PTPRD: variants seen among roughly 807,000 people sequenced by gnomAD.
The protein encoded by PTPRD is protein tyrosine phosphatase receptor type D.
Under a neutral mutation model 214.5 loss-of-function variants are expected in PTPRD, and 34 were observed. The ratio of observed to expected loss-of-function variants is 0.16; its 90% confidence interval spans 0.12 to 0.21. The LOEUF is 0.21. PTPRD is among the 10% of genes least tolerant of loss of function. PTPRD has a pLI of 1.00. For missense variants in PTPRD, 2,545 were observed against 2,398.7 expected (o/e 1.06, Z -1.27); for synonymous variants, 1,128 against 845.7 (o/e 1.33, Z -5.79).
chr9:10,085,270 A>T (rs1243400740), intron 3 of PTPRD, among the ~76,000 whole-genome samples: 1 of 151,866 alleles, frequency 6.6e-6, no homozygotes, highest in Non-Finnish European at 1.5e-5. Flanking sequence ...TTTTTAAAAA[A>T]CTACATCAGT....
intron 5 of PTPRD, among the ~76,000 whole-genome samples, chr9:9,868,176 A>C (rs1254416737): frequency 6.6e-6 from 1 of 152,196 alleles, no homozygotes; most frequent in African/African-American, 2.4e-5. Flanking sequence ...GAACAAAAAT[A>C]GTTTTAGCAC....
intron 2 of PTPRD, among the ~76,000 whole-genome samples, chr9:10,486,821 T>C (rs1219206749): frequency 6.6e-6 from 1 of 152,180 alleles, no homozygotes; most frequent in African/African-American, 2.4e-5. Context: ...TTAGTTCCAT[T>C]TGGTCTTTAG....
intron 4 of PTPRD, among the ~76,000 whole-genome samples, chr9:10,022,910 T>G (rs1308262901): frequency 3.9e-5 from 6 of 152,206 alleles, no homozygotes; most frequent in Non-Finnish European, 5.9e-5. Context: ...GCATGTTTTA[T>G]GCCTCAGTAT....
chr9:10,010,571 G>A (rs1302733190), intron 4 of PTPRD, among the ~76,000 whole-genome samples: 1 of 151,722 alleles, frequency 6.6e-6, no homozygotes, highest in African/African-American at 2.4e-5. Context: ...CCTTCAAGTG[G>A]CCATGCACAG....
chr9:9,363,389 G>C (rs747314802), intron 9 of PTPRD, among the ~76,000 whole-genome samples: 1 of 151,184 alleles, frequency 6.6e-6, no homozygotes, highest in Non-Finnish European at 1.5e-5. Context: ...CTCATACTAG[G>C]AGATCTGAAA....
chr9:8,767,203 C>T (rs926671458), intron 11 of PTPRD, among the ~76,000 whole-genome samples: 4 of 152,060 alleles, frequency 2.6e-5, no homozygotes, highest in Non-Finnish European at 5.9e-5. Flanking sequence ...CCGCAACCTC[C>T]GCCTCCCAGG....
At chr9:8,907,529 AAAAAATAT>A (rs1260176066) in intron 11 of PTPRD, among the ~76,000 whole-genome samples, 1 of 133,156 alleles carries the variant, frequency 7.5e-6, no homozygotes, top group Non-Finnish European at 1.6e-5. Flanking sequence ...AAAAAAAAAA[AAAAAATAT>A]ATATATATAT....
intron 7 of PTPRD, among the ~76,000 whole-genome samples, chr9:9,733,292 G>A (rs1289287246): frequency 6.6e-6 from 1 of 152,202 alleles, no homozygotes; most frequent in African/African-American, 2.4e-5. Context: ...GTGCACTGAT[G>A]ATGGAGAGAG....
chr9:10,261,534 G>C (rs2093699262), intron 3 of PTPRD, among the ~76,000 whole-genome samples: 1 of 152,006 alleles, frequency 6.6e-6, no homozygotes. Flanking sequence ...AATGTTGTGT[G>C]TGTGTATATA....
chr9:10,582,020 G>A (rs1375173170), intron 2 of PTPRD, among the ~76,000 whole-genome samples: 2 of 152,098 alleles, frequency 1.3e-5, no homozygotes, highest in Non-Finnish European at 1.5e-5. Flanking sequence ...AAATTTGGGG[G>A]ATAATAAGAT....
In PTPRD at chr9:8,451,005, C is replaced by T. The variant is rs371963629; in HGVS notation, c.3876-1168G>A. On this transcript the variant is annotated intron_variant, in intron 33 of 45. Transcript: ENST00000381196. Reference sequence around the variant, plus strand: ...TCTGTTCGATGTGACTGTGGTACAGCTCATTAGTGTTGCTGTGGCAATGGG... The same window carrying T: ...TCTGTTCGATGTGACTGTGGTACAGTTCATTAGTGTTGCTGTGGCAATGGG... Among the ~76,000 whole-genome samples, 10 of 152,264 alleles carry T rather than the reference C, an allele frequency of 6.6e-5. No homozygotes were observed. In the East Asian group the frequency reaches 1.2e-3, roughly 18 times the overall value.
intron 2 of PTPRD, among the ~76,000 whole-genome samples, chr9:10,515,011 G>A (rs572191259): frequency 6.6e-6 from 1 of 152,088 alleles, no homozygotes; most frequent in Admixed American, 6.6e-5. Flanking sequence ...AAGAGAGATT[G>A]TTAGTACTTA....
chr9:9,651,997 G>A (rs1347088209), intron 7 of PTPRD, among the ~76,000 whole-genome samples: 2 of 151,502 alleles, frequency 1.3e-5, no homozygotes, highest in Non-Finnish European at 2.9e-5. Flanking sequence ...ACCAGGCCTG[G>A]CTAATTTTTG....
At chr9:9,066,606 G>A (rs528300251) in intron 10 of PTPRD, among the ~76,000 whole-genome samples, 10 of 152,262 alleles carry the variant, frequency 6.6e-5, no homozygotes, top group African/African-American at 2.2e-4. Context: ...TGAGAGGGGG[G>A]AGATTATTCT....
chr9:10,001,241 GA>G (rs2096304860), intron 4 of PTPRD, among the ~76,000 whole-genome samples: 1 of 151,976 alleles, frequency 6.6e-6, no homozygotes, highest in African/African-American at 2.4e-5. Context: ...GAAAGATAAA[GA>G]ATAAAGAAAA....
intron 3 of PTPRD, among the ~76,000 whole-genome samples, chr9:10,326,049 T>A (rs886749818): frequency 3.2e-4 from 49 of 151,936 alleles, no homozygotes; most frequent in African/African-American, 1.1e-3. Context: ...ATCCACTGAT[T>A]AATTGTAAGG....
chr9:9,254,392 A>G (rs2099976822), intron 9 of PTPRD, among the ~76,000 whole-genome samples: 1 of 151,994 alleles, frequency 6.6e-6, no homozygotes, highest in African/African-American at 2.4e-5. Flanking sequence ...TTAGAAGTAA[A>G]TTTATTTCAG....
At chr9:9,824,558 A>G (rs1197521989) in intron 5 of PTPRD, among the ~76,000 whole-genome samples, 1 of 152,010 alleles carries the variant, frequency 6.6e-6, no homozygotes, top group Non-Finnish European at 1.5e-5. Context: ...CAAAAACCCA[A>G]GCATATTAAT....
At chr9:8,689,191 T>A (rs191698978) in intron 12 of PTPRD, among the ~76,000 whole-genome samples, 1 of 152,178 alleles carries the variant, frequency 6.6e-6, no homozygotes, top group African/African-American at 2.4e-5. Context: ...CCACCTCTAA[T>A]TGATACCAAT....
Sources: gnomAD v4.1 joint callset for allele counts (sites outside exome capture counted in the v4.1 genomes callset) on GRCh38, gnomAD v4.1.1 for gene constraint, MANE v1.5 for transcripts, NCBI Gene and HGNC (gene_info 2026-07-23, HGNC 2026-07-21) for gene names.